The following CDKN2B-AS1 variants were observed in gnomAD, a reference collection of about 807,000 sequenced individuals.
CDKN2B-AS1 encodes the protein CDKN2B antisense RNA 1 (non-protein coding).
intron 4 of CDKN2B-AS1, chr9:22,120,439 C>G (rs1329218038): frequency 6.6e-6 from 1 of 152,102 alleles, no homozygotes; most frequent in Non-Finnish European, 1.5e-5. Flanking sequence ...GTCAGGGGCT[C>G]CAGGATTATA....
In CDKN2B-AS1 at chr9:22,089,610, C is replaced by CT. The variant is rs199914217; in HGVS notation, n.438+33232dup. On this transcript the variant is annotated intron_variant and non_coding_transcript_variant, in intron 4 of 4. Transcript: ENST00000650946. ...CATGCCTGGCTAATATCTCTCTTTT[C>CT]TTTTTTTTTCCCCTTATTTTGTAGG... Among the ~76,000 whole-genome samples the CT allele has an allele frequency of 4.1e-3, 621 of 151,022 alleles. 7 individuals carry two copies. Among genetic ancestry groups the CT allele is most frequent in the African/African-American group, 0.014 (577 of 41,218 alleles).
intron 4 of CDKN2B-AS1, among the ~76,000 whole-genome samples, chr9:22,101,896 A>T (rs1825497358): frequency 6.6e-6 from 1 of 152,178 alleles, no homozygotes; most frequent in South Asian, 2.1e-4. Context: ...AAGGAGGACA[A>T]CATGGCCATG....
At chr9:22,058,151 G>A (rs961618619) in intron 4 of CDKN2B-AS1, among the ~76,000 whole-genome samples, 5 of 152,116 alleles carry the variant, frequency 3.3e-5, no homozygotes, top group East Asian at 1.9e-4. Flanking sequence ...CCGAGATTGC[G>A]CCATTGCACT....
chr9:22,085,239 A>G (rs1177153242), intron 4 of CDKN2B-AS1, among the ~76,000 whole-genome samples: 3 of 152,188 alleles, frequency 2.0e-5, no homozygotes, highest in African/African-American at 7.2e-5. Context: ...TAGTTTGCCC[A>G]CAGATTAATT....
Position 22,026,331 on chromosome 9 carries a change from C to G in CDKN2B-AS1, n.30-20420C>G, listed in dbSNP as rs554681602. ...TGGAGGCCCCAGTTGGGAGGTCCCG[C>G]CTGTAAGGATGAATGGGATCGGGGA... On this transcript the variant is annotated intron_variant and non_coding_transcript_variant, in intron 1 of 4. Transcript: ENST00000650946. Among the ~76,000 whole-genome samples the G allele has an allele frequency of 2.0e-5, 3 of 152,196 alleles. No individual in the cohort carries two copies. The South Asian group carries it at 6.2e-4, about 32-fold the overall frequency.
At chr9:22,004,085 T>C (rs72693621) in intron 1 of CDKN2B-AS1, 2 of 232,612 alleles carry the variant, frequency 8.6e-6, no homozygotes, top group Non-Finnish European at 1.7e-5. Context: ...AAACAATACC[T>C]ATCTCTCAGG....
chr9:22,122,194 A>T (rs7020671), intron 4 of CDKN2B-AS1, among the ~76,000 whole-genome samples: 11,684 of 151,326 alleles, frequency 0.077, 1,483 homozygotes, highest in African/African-American at 0.27. Flanking sequence ...GGCCATTTGT[A>T]TGTGTTCTTT....
At chr9:22,058,268 T>A (rs1823657986) in intron 4 of CDKN2B-AS1, 1 of 152,232 alleles carries the variant, frequency 6.6e-6, no homozygotes, top group African/African-American at 2.4e-5. Context: ...CATGGTCTGT[T>A]CTTACGTAAT....
intron 4 of CDKN2B-AS1, chr9:22,092,368 C>A (rs1179943844): frequency 6.6e-6 from 1 of 152,146 alleles, no homozygotes; most frequent in East Asian, 1.9e-4. Context: ...CCCTCTTTTT[C>A]TATTGAATGG....
intron 4 of CDKN2B-AS1, chr9:22,065,854 T>C (rs1403513337): frequency 6.6e-6 from 1 of 152,222 alleles, no homozygotes; most frequent in Non-Finnish European, 1.5e-5. Flanking sequence ...CTCACTTGAT[T>C]TACAACATAC....
chr9:22,115,780 C>A (rs1271033926), intron 4 of CDKN2B-AS1, among the ~76,000 whole-genome samples: 1 of 151,930 alleles, frequency 6.6e-6, no homozygotes, highest in East Asian at 1.9e-4. Context: ...GCATATTGTG[C>A]TGGAGGACAT....
intron 4 of CDKN2B-AS1, among the ~76,000 whole-genome samples, chr9:22,079,549 G>C (rs1824624672): frequency 6.6e-6 from 1 of 151,662 alleles, no homozygotes; most frequent in African/African-American, 2.4e-5. Context: ...AAAAGCTGAA[G>C]GGTGTGCTGG....
chr9:22,116,047 A>G (rs1537374), intron 4 of CDKN2B-AS1, among the ~76,000 whole-genome samples: 97,711 of 152,116 alleles, frequency 0.64, 33,518 homozygotes, highest in African/African-American at 0.9. Flanking sequence ...ATTAGAGTGT[A>G]TGCTCAACAT....
At chr9:22,016,578 T>C (rs1821770297) in intron 1 of CDKN2B-AS1, among the ~76,000 whole-genome samples, 1 of 152,176 alleles carries the variant, frequency 6.6e-6, no homozygotes, top group Non-Finnish European at 1.5e-5. Context: ...CAAAACAGCA[T>C]GGTACTGGTA....
At chr9:22,058,403 A>G (rs376228814) in intron 4 of CDKN2B-AS1, 4 of 152,342 alleles carry the variant, frequency 2.6e-5, no homozygotes, top group Middle Eastern at 3.4e-3. Flanking sequence ...CATGAAGGAC[A>G]CACCAGGGAA....
chr9:22,070,545 ATAAG>A (rs915327412), intron 4 of CDKN2B-AS1, among the ~76,000 whole-genome samples: 35 of 152,154 alleles, frequency 2.3e-4, no homozygotes, highest in Non-Finnish European at 4.7e-4. Flanking sequence ...GCTTGGGCAA[ATAAG>A]TAAGCATTTT....
intron 4 of CDKN2B-AS1, among the ~76,000 whole-genome samples, chr9:22,108,025 A>G (rs1825704610): frequency 6.6e-6 from 1 of 152,214 alleles, no homozygotes; most frequent in Non-Finnish European, 1.5e-5. Context: ...TTTTCTGACT[A>G]TGTTTTCTTA....
chr9:22,034,600 A>G (rs1822609391), intron 1 of CDKN2B-AS1, among the ~76,000 whole-genome samples: 1 of 152,216 alleles, frequency 6.6e-6, no homozygotes, highest in South Asian at 2.1e-4. Context: ...CCCATTTCTC[A>G]GAATTTCATC....
intron 4 of CDKN2B-AS1, among the ~76,000 whole-genome samples, chr9:22,122,060 A>AT (rs35831924): frequency 0.44 from 64,129 of 145,408 alleles, 15,002 homozygotes; most frequent in Middle Eastern, 0.62. Context: ...AGCATTTGTT[A>AT]TTTTTTTTTT....
Sources: gnomAD v4.1 joint callset for allele counts (sites outside exome capture counted in the v4.1 genomes callset) on GRCh38, gnomAD v4.1.1 for gene constraint, MANE v1.5 for transcripts, NCBI Gene and HGNC (gene_info 2026-07-23, HGNC 2026-07-21) for gene names.